The following SDK2 variants were observed in gnomAD, a reference collection of about 807,000 sequenced individuals.
SDK2 encodes protein sidekick-2.
SDK2 carries 105 observed loss-of-function variants against 253.9 expected under a neutral mutation model. The ratio of observed to expected loss-of-function variants is 0.41; its 90% CI spans 0.35 to 0.49. SDK2 has a LOEUF of 0.49. Ranked by LOEUF, SDK2 falls within the 20% of genes least tolerant of loss-of-function variation. The pLI is 0.06. For missense variants in SDK2, 2,608 were observed against 3,003.0 expected (o/e 0.87, Z 3.07); for synonymous variants, 1,249 against 1,234.9 (o/e 1.01, Z -0.24).
chr17:73,461,961 T>C (rs2063565301), intron 3 of SDK2, among the ~76,000 whole-genome samples: 2 of 151,764 alleles, frequency 1.3e-5, no homozygotes, highest in South Asian at 4.2e-4. Context: ...GTATGCATTA[T>C]TGGGATGGTT....
Position 73,609,694 on chromosome 17 carries a change from C to T in SDK2, c.64+34331G>A, listed in dbSNP as rs571594879. On this transcript the variant is annotated intron_variant, in intron 1 of 44. Coordinates refer to ENST00000392650, the MANE Select transcript of SDK2 (RefSeq NM_001144952.2). This position sits in a 1 kb window ranked among gnomAD's most constrained non-coding sequence, Gnocchi z 4.4. ...GAGGTAATGGGTACCCTCTTACCTA[C>T]GTGCAGTTTACAAGAGTTCTCCAGG... 1.4e-4 allele frequency among the ~76,000 whole-genome samples: 21 copies of T among 152,250 alleles called. 1 individual carries two copies. In the South Asian group the frequency reaches 2.9e-3, roughly 21 times the overall value.
intron 18 of SDK2, among the ~76,000 whole-genome samples, chr17:73,413,978 G>A (rs1249501573): frequency 3.9e-5 from 6 of 152,054 alleles, no homozygotes. Flanking sequence ...ACGGTAAGAA[G>A]TGAATGGTGG....
At chr17:73,528,017 C>T (rs1299156761) in intron 1 of SDK2, among the ~76,000 whole-genome samples, 1 of 151,984 alleles carries the variant, frequency 6.6e-6, no homozygotes, top group Non-Finnish European at 1.5e-5. Flanking sequence ...GAAGCGTCAG[C>T]AGTGAGGGCG....
chr17:73,613,119 G>C (rs1281200475), intron 1 of SDK2, among the ~76,000 whole-genome samples: 3 of 152,192 alleles, frequency 2.0e-5, no homozygotes, highest in Admixed American at 6.5e-5. Flanking sequence ...AAAGCGGCAC[G>C]AGAGATTTTC....
Position 73,571,635 on chromosome 17 carries a change from G to C in SDK2, c.65-64038C>G, listed in dbSNP as rs574921692. Among the ~76,000 whole-genome samples, 8 of 152,356 alleles carry C rather than the reference G, an allele frequency of 5.3e-5. No individual in the cohort carries two copies. The South Asian group carries it at 1.7e-3, about 32-fold the overall frequency. ...TCTCCACAGCACTCATTAGGGCCGAGGAGCTCCGAGAGCTCTCCTCCTCGG... is the reference window on the plus strand; with the variant it reads ...TCTCCACAGCACTCATTAGGGCCGACGAGCTCCGAGAGCTCTCCTCCTCGG... On this transcript the variant is annotated intron_variant, in intron 1 of 44. Transcript: ENST00000392650.
At chr17:73,558,034 C>A (rs1022155845) in intron 1 of SDK2, among the ~76,000 whole-genome samples, 8 of 152,236 alleles carry the variant, frequency 5.3e-5, no homozygotes, top group African/African-American at 1.4e-4. Context: ...CCCTGTTGCT[C>A]TATCCCCCTT....
At chr17:73,408,519 C>A (rs2145551463) in intron 18 of SDK2, among the ~76,000 whole-genome samples, 1 of 152,254 alleles carries the variant, frequency 6.6e-6, no homozygotes, top group Admixed American at 6.5e-5. Flanking sequence ...CCATCACACC[C>A]CGAAGTAAAA....
intron 11 of SDK2, 68 bp from the exon 12 acceptor site, chr17:73,430,681 G>C: frequency 9.3e-7 from 1 of 1,073,452 alleles, no homozygotes; most frequent in Non-Finnish European, 1.3e-6. Flanking sequence ...ACTCTGGGTG[G>C]ATACCATATG....
chr17:73,583,860 G>A (rs1232924849), intron 1 of SDK2, among the ~76,000 whole-genome samples: 3 of 152,208 alleles, frequency 2.0e-5, no homozygotes, highest in Non-Finnish European at 4.4e-5. Flanking sequence ...AGTGAGCTTG[G>A]GCAGAGGGTG....
At chr17:73,472,937 G>A (rs1419776425) in intron 2 of SDK2, among the ~76,000 whole-genome samples, 6 of 152,254 alleles carry the variant, frequency 3.9e-5, no homozygotes, top group Non-Finnish European at 2.9e-5. Context: ...CTTGCCTTCC[G>A]CTATGACTGT....
At chr17:73,470,485 C>T (rs996788766) in intron 3 of SDK2, among the ~76,000 whole-genome samples, 23 of 152,216 alleles carry the variant, frequency 1.5e-4, no homozygotes, top group Non-Finnish European at 2.8e-4. Flanking sequence ...CAGCTTCCCC[C>T]TGCCCCCTGG....
At chr17:73,599,269 C>T (rs998722010) in intron 1 of SDK2, among the ~76,000 whole-genome samples, 40 of 152,250 alleles carry the variant, frequency 2.6e-4, no homozygotes, top group African/African-American at 7.7e-4. Flanking sequence ...CGGTGGCTCA[C>T]GCCTGTAATC....
chr17:73,500,767 C>G (rs531459377), intron 2 of SDK2, among the ~76,000 whole-genome samples: 1 of 150,934 alleles, frequency 6.6e-6, no homozygotes, highest in Non-Finnish European at 1.5e-5. Context: ...TCCATCCTTC[C>G]TCTAGCCTCT....
rs74833933 is a variant in SDK2, at chr17:73,565,651, G to C, written c.65-58054C>G. On this transcript the variant is annotated intron_variant, in intron 1 of 44. Coordinates refer to ENST00000392650, the MANE Select transcript of SDK2 (RefSeq NM_001144952.2). The stretch of plus-strand genomic sequence containing the variant: ...AATTCTAGATCTCTAATATGGTTCA[G>C]GTATTTATCCCCTCCAAATCTCATG... 1.0e-2 allele frequency among the ~76,000 whole-genome samples: 1,519 copies of C among 152,322 alleles called. 18 individuals are homozygous for C. Among genetic ancestry groups the C allele is most frequent in the African/African-American group, 0.034 (1,426 of 41,574 alleles).
chr17:73,422,417 G>T lies in SDK2; in HGVS notation c.1915C>A (p.Leu639Ile). 1 of 1,614,042 alleles carries T rather than the reference G, an allele frequency of 6.2e-7. No individual in the cohort carries two copies. Among genetic ancestry groups the T allele is most frequent in the South Asian group, 1.1e-5 (1 of 91,082 alleles). Residue 639 changes from leucine (L) to isoleucine (I), a missense_variant, in exon 15 of 45, where the codon CTC becomes ATC. This residue lies in a region of SDK2 where 1,505 missense variants were observed against 1,859.1 expected (regional missense o/e 0.81). Transcript: ENST00000392650. ...MSENNAPWTVLLASVDPKATS... is the reference protein window; with the variant it reads ...MSENNAPWTVILASVDPKATS... ...GCTTTGGGGTCCACACTGGCCAGGA[G>T]TACAGTCCAGGGGGCATCTGCAGGG... is the stretch of plus-strand genomic sequence containing the variant.
At chr17:73,517,291 C>CA (rs1273050884) in intron 1 of SDK2, 2 of 152,172 alleles carry the variant, frequency 1.3e-5, no homozygotes, top group Admixed American at 6.5e-5. Context: ...ATGTCCTTCC[C>CA]AAAACCTCAG....
At chr17:73,624,455 T>C (rs1367692672) in intron 1 of SDK2, among the ~76,000 whole-genome samples, 2 of 152,224 alleles carry the variant, frequency 1.3e-5, no homozygotes, top group Admixed American at 6.5e-5. Flanking sequence ...TGAGCCGAGA[T>C]TGTGCCATTG....
intron 2 of SDK2, among the ~76,000 whole-genome samples, chr17:73,500,894 CA>C (rs1385271683): frequency 6.6e-6 from 1 of 151,772 alleles, no homozygotes; most frequent in Non-Finnish European, 1.5e-5. Context: ...CCATCTCCTC[CA>C]TCCTCCATCC....
chr17:73,408,130 C>T (rs1280019410), intron 18 of SDK2, among the ~76,000 whole-genome samples: 1 of 147,396 alleles, frequency 6.8e-6, no homozygotes, highest in African/African-American at 2.5e-5. Flanking sequence ...CTGCTCACTG[C>T]AACCCCTGCC....
Sources: allele counts gnomAD v4.1 joint callset (sites outside exome capture counted in the v4.1 genomes callset), GRCh38; gene constraint gnomAD v4.1.1; regional missense constraint gnomAD v4.1.1; non-coding constraint Gnocchi (gnomAD v3.1); transcripts MANE v1.5; gene names NCBI Gene and HGNC (gene_info 2026-07-23, HGNC 2026-07-21).